TAFA1: variants seen among roughly 807,000 people sequenced by gnomAD.
TAFA1 encodes chemokine-like protein TAFA-1.
Under a neutral mutation model 18.5 loss-of-function variants are expected in TAFA1, and 4 were observed. That is an observed-to-expected ratio of 0.22 (90% CI 0.11 to 0.49). The LOEUF is 0.49. Ranked by LOEUF, TAFA1 falls within the 20% of genes least tolerant of loss-of-function variation. The pLI is 0.98. For missense variants in TAFA1, 147 were observed against 169.0 expected (o/e 0.87, Z 0.72); for synonymous variants, 56 against 55.2 (o/e 1.01, Z -0.06).
At chr3:68,411,320 T>C (rs1052482394) in intron 2 of TAFA1, among the ~76,000 whole-genome samples, 6 of 152,188 alleles carry the variant, frequency 3.9e-5, no homozygotes, top group African/African-American at 1.4e-4. Context: ...ACTCTGTATA[T>C]ATACTCTGCT....
chr3:68,529,436 T>TAAAAAAAAAA (rs533214097), intron 3 of TAFA1, among the ~76,000 whole-genome samples: 4 of 77,070 alleles, frequency 5.2e-5, no homozygotes, highest in Admixed American at 1.7e-4. Context: ...CACCATTCTC[T>TAAAAAAAAAA]AAAAAAAAAA....
At chr3:68,527,470 T>C (rs2073125109) in intron 3 of TAFA1, among the ~76,000 whole-genome samples, 1 of 152,182 alleles carries the variant, frequency 6.6e-6, no homozygotes, top group Non-Finnish European at 1.5e-5. Context: ...AGGTAGCCTT[T>C]TATATCATAA....
chr3:68,124,178 G>A lies in TAFA1; in HGVS notation c.118+117434G>A, dbSNP rs1392393605. 3.3e-5 allele frequency among the ~76,000 whole-genome samples: 5 copies of A among 152,168 alleles called. No individual in the cohort carries two copies. The South Asian group carries it at 8.3e-4, about 25-fold the overall frequency. ...AGCTTAATTAATGAAAGTTTTAAAT[G>A]TGCTGGCTGTAAGCCTTGTCACTCG... On this transcript the variant is annotated intron_variant, in intron 2 of 4. Transcript: ENST00000478136.
At chr3:68,029,032 C>T (rs765711870) in intron 2 of TAFA1, among the ~76,000 whole-genome samples, 1 of 151,982 alleles carries the variant, frequency 6.6e-6, no homozygotes, top group Non-Finnish European at 1.5e-5. Context: ...GGATTAGACG[C>T]ATGAGCCACC....
chr3:68,022,779 G>A (rs368095234), intron 2 of TAFA1, among the ~76,000 whole-genome samples: 12 of 142,268 alleles, frequency 8.4e-5, no homozygotes, highest in East Asian at 8.0e-4. Flanking sequence ...AAAAAAAATA[G>A]CACTTTTCTC....
chr3:68,011,732 G>A (rs1310964354), intron 2 of TAFA1, among the ~76,000 whole-genome samples: 1 of 152,162 alleles, frequency 6.6e-6, no homozygotes, highest in Non-Finnish European at 1.5e-5. Flanking sequence ...CTAAGGATTG[G>A]AGCAGACAGG....
At chr3:68,372,093 C>A (rs1575813119) in intron 2 of TAFA1, among the ~76,000 whole-genome samples, 1 of 152,132 alleles carries the variant, frequency 6.6e-6, no homozygotes, top group Non-Finnish European at 1.5e-5. Flanking sequence ...GATAAAAGTG[C>A]CTCCTTATTT....
intron 2 of TAFA1, among the ~76,000 whole-genome samples, chr3:68,031,483 T>A (rs1024851102): frequency 2.0e-5 from 3 of 152,052 alleles, no homozygotes; most frequent in African/African-American, 7.2e-5. Flanking sequence ...AGGCAAGAAG[T>A]ATGTGCTGAG....
chr3:68,522,828 G>A (rs1040914537), intron 3 of TAFA1, among the ~76,000 whole-genome samples: 4 of 146,106 alleles, frequency 2.7e-5, no homozygotes, highest in Admixed American at 1.4e-4. Context: ...CAGCCTGGGC[G>A]ACTTTGGGAG....
At chr3:68,493,188 T>G (rs1359734232) in intron 3 of TAFA1, among the ~76,000 whole-genome samples, 1 of 152,174 alleles carries the variant, frequency 6.6e-6, no homozygotes, top group Non-Finnish European at 1.5e-5. Flanking sequence ...ATTCTACTTC[T>G]GTCTCCATGA....
At chr3:68,165,485 T>A (rs141350045) in intron 2 of TAFA1, among the ~76,000 whole-genome samples, 1 of 152,336 alleles carries the variant, frequency 6.6e-6, no homozygotes, top group East Asian at 1.9e-4. Flanking sequence ...ATAATAAGCT[T>A]AGATAATTTA....
chr3:68,414,173 G>A (rs910046624), intron 2 of TAFA1, among the ~76,000 whole-genome samples: 2 of 152,110 alleles, frequency 1.3e-5, no homozygotes, highest in Non-Finnish European at 2.9e-5. Flanking sequence ...TGGGCATGGT[G>A]GTGCATGCCT....
At chr3:68,069,849 C>T (rs2064729626) in intron 2 of TAFA1, among the ~76,000 whole-genome samples, 1 of 152,236 alleles carries the variant, frequency 6.6e-6, no homozygotes, top group South Asian at 2.1e-4. Context: ...AAATGATCTC[C>T]TTTGAATCCA....
chr3:68,266,760 G>A (rs2067554126), intron 2 of TAFA1, among the ~76,000 whole-genome samples: 1 of 152,130 alleles, frequency 6.6e-6, no homozygotes, highest in Non-Finnish European at 1.5e-5. Context: ...CAAAGAATCT[G>A]GCAGCTCTGG....
chr3:68,143,955 T>C (rs977968225), intron 2 of TAFA1, among the ~76,000 whole-genome samples: 2 of 151,936 alleles, frequency 1.3e-5, no homozygotes, highest in African/African-American at 2.4e-5. Flanking sequence ...TCCAACATGC[T>C]CTTTATGTCA....
intron 2 of TAFA1, among the ~76,000 whole-genome samples, chr3:68,020,246 T>G (rs998685497): frequency 6.6e-6 from 1 of 152,196 alleles, no homozygotes; most frequent in Non-Finnish European, 1.5e-5. Context: ...TTTAACTGCC[T>G]TCACCCTCTT....
intron 3 of TAFA1, among the ~76,000 whole-genome samples, chr3:68,423,488 T>C (rs1431589027): frequency 6.6e-6 from 1 of 152,132 alleles, no homozygotes; most frequent in African/African-American, 2.4e-5. Context: ...GGCATTCTTA[T>C]AAGATGCAAA....
rs1489082816 is a variant in TAFA1 at position 68,545,343 on chromosome 3, T to A, written c.*840T>A. ...GGTAGGATATGGATCCCTACATGAA[T>A]AAGTCCTGTAAATACAATGTCTTAA... On this transcript the variant is annotated 3_prime_UTR_variant, in exon 5 of 5. Transcript: ENST00000478136. The A allele has an allele frequency of 6.6e-6, 1 of 152,602 alleles. No individual in the cohort carries two copies. The highest frequency in any genetic ancestry group is 1.5e-5 in the Non-Finnish European group (1 of 68,038). The allele number at this position is 152,602 out of a possible 1,614,324, so 9.5% of individuals were successfully genotyped here.
intron 3 of TAFA1, among the ~76,000 whole-genome samples, chr3:68,462,380 G>A (rs1336333333): frequency 6.6e-6 from 1 of 151,956 alleles, no homozygotes; most frequent in Non-Finnish European, 1.5e-5. Flanking sequence ...GAGATCTGAT[G>A]GTTTCATAAA....
Sources: allele counts gnomAD v4.1 joint callset (sites outside exome capture counted in the v4.1 genomes callset), GRCh38; gene constraint gnomAD v4.1.1; transcripts MANE v1.5; gene names NCBI Gene and HGNC (gene_info 2026-07-23, HGNC 2026-07-21).